The following HS6ST3 variants were observed in gnomAD, a reference collection of about 807,000 sequenced individuals.
HS6ST3 encodes heparan-sulfate 6-O-sulfotransferase 3.
HS6ST3 carries 12 observed loss-of-function variants against 36.7 expected under a neutral mutation model. The ratio of observed to expected loss-of-function variants is 0.33; its 90% confidence interval spans 0.21 to 0.53. The LOEUF (loss-of-function observed/expected upper bound fraction) is 0.53, where lower values mean the gene tolerates loss of function less well. HS6ST3 is among the 20% of genes least tolerant of loss of function. The pLI, the probability that HS6ST3 is intolerant of heterozygous loss-of-function variation, is 0.95. For missense variants in HS6ST3, 584 were observed against 640.9 expected, an observed-to-expected ratio of 0.91 and a Z score of 0.96; for synonymous variants, 240 against 257.5, an observed-to-expected ratio of 0.93 and a Z score of 0.65.
intron 1 of HS6ST3, among the ~76,000 whole-genome samples, chr13:96,726,859 C>T (rs1420787021): frequency 6.6e-6 from 1 of 151,876 alleles, no homozygotes; most frequent in Non-Finnish European, 1.5e-5. Context: ...TCTCTTTTCC[C>T]TCTGTATGTT....
At chr13:96,271,262 G>A (rs889969657) in intron 1 of HS6ST3, among the ~76,000 whole-genome samples, 5 of 151,874 alleles carry the variant, frequency 3.3e-5, no homozygotes, top group African/African-American at 1.2e-4. Context: ...ATGCAAATAT[G>A]TGTGTGAAGA....
At chr13:96,372,978 A>T (rs2055297123) in intron 1 of HS6ST3, among the ~76,000 whole-genome samples, 1 of 152,152 alleles carries the variant, frequency 6.6e-6, no homozygotes, top group Non-Finnish European at 1.5e-5. Context: ...AGGGCTTGGC[A>T]GGACCATGCT....
At chr13:96,631,637 CAT>C (rs1188951028) in intron 1 of HS6ST3, among the ~76,000 whole-genome samples, 4 of 152,210 alleles carry the variant, frequency 2.6e-5, no homozygotes, top group Non-Finnish European at 4.4e-5. Context: ...ATATCCCAGA[CAT>C]GTTGCAAAAT....
intron 1 of HS6ST3, among the ~76,000 whole-genome samples, chr13:96,599,491 T>G (rs1594815546): frequency 6.6e-6 from 1 of 152,068 alleles, no homozygotes; most frequent in East Asian, 1.9e-4. Context: ...TGTCTTCATT[T>G]TAATTTCTAA....
At chr13:96,366,945 A>T (rs1017370313) in intron 1 of HS6ST3, among the ~76,000 whole-genome samples, 1 of 152,168 alleles carries the variant, frequency 6.6e-6, no homozygotes, top group Non-Finnish European at 1.5e-5. Flanking sequence ...CCCACCATGT[A>T]AGATGTGCCT....
intron 1 of HS6ST3, among the ~76,000 whole-genome samples, chr13:96,534,652 G>T (rs2018153): frequency 9.2e-5 from 14 of 152,216 alleles, no homozygotes; most frequent in Non-Finnish European, 1.8e-4. Flanking sequence ...AAAAGCCACA[G>T]GTGCAGGAAC....
intron 1 of HS6ST3, among the ~76,000 whole-genome samples, chr13:96,498,150 A>G (rs2055986331): frequency 6.6e-6 from 1 of 152,182 alleles, no homozygotes; most frequent in African/African-American, 2.4e-5. Flanking sequence ...AGAACAGACA[A>G]TGGTTTGTGA....
chr13:96,456,153 T>C (rs1263647630), intron 1 of HS6ST3, among the ~76,000 whole-genome samples: 2 of 152,220 alleles, frequency 1.3e-5, no homozygotes, highest in Non-Finnish European at 2.9e-5. Context: ...TTTATTTAGG[T>C]GTAGTAGAAT....
At chr13:96,598,113 C>G (rs2056408498) in intron 1 of HS6ST3, among the ~76,000 whole-genome samples, 2 of 152,066 alleles carry the variant, frequency 1.3e-5, no homozygotes, top group Admixed American at 1.3e-4. Flanking sequence ...TGTGATGCCT[C>G]TAGATTTGCT....
chr13:96,771,626 C>T (rs1009291279), intron 1 of HS6ST3, among the ~76,000 whole-genome samples: 5 of 152,240 alleles, frequency 3.3e-5, no homozygotes, highest in South Asian at 4.1e-4. Flanking sequence ...AACAAATGTG[C>T]GTTATTTCCT....
intron 1 of HS6ST3, among the ~76,000 whole-genome samples, chr13:96,592,545 A>C (rs2056386355): frequency 6.6e-6 from 1 of 152,160 alleles, no homozygotes; most frequent in Non-Finnish European, 1.5e-5. Flanking sequence ...TTGGCTCATT[A>C]ACATCCTTTA....
At chr13:96,767,483 G>A (rs530016302) in intron 1 of HS6ST3, among the ~76,000 whole-genome samples, 3 of 152,344 alleles carry the variant, frequency 2.0e-5, no homozygotes, top group South Asian at 2.1e-4. Flanking sequence ...GTGTTGTGTA[G>A]GGTAGTGAGA....
chr13:96,655,568 A>G (rs367604192), intron 1 of HS6ST3, among the ~76,000 whole-genome samples: 1 of 152,082 alleles, frequency 6.6e-6, no homozygotes, highest in Admixed American at 6.6e-5. Context: ...TATTTATAAG[A>G]TTTTTTTGAA....
At chr13:96,233,050 A>C (rs2054516026) in intron 1 of HS6ST3, among the ~76,000 whole-genome samples, 1 of 152,370 alleles carries the variant, frequency 6.6e-6, no homozygotes, top group Admixed American at 6.5e-5. Flanking sequence ...ATGACAGTGC[A>C]GAAGAATCTA....
chr13:96,717,311 G>C (rs1875724859), intron 1 of HS6ST3, among the ~76,000 whole-genome samples: 1 of 152,168 alleles, frequency 6.6e-6, no homozygotes. Context: ...TAGGCAGATG[G>C]GTGGCCCATT....
intron 1 of HS6ST3, among the ~76,000 whole-genome samples, chr13:96,365,377 C>A (rs543823041): frequency 1.3e-5 from 2 of 152,192 alleles, no homozygotes; most frequent in East Asian, 3.9e-4. Context: ...TGTTATTTTC[C>A]AATTTTCTAT....
At chr13:96,241,309 T>C (rs1369592276) in intron 1 of HS6ST3, among the ~76,000 whole-genome samples, 1 of 152,158 alleles carries the variant, frequency 6.6e-6, no homozygotes, top group East Asian at 1.9e-4. Context: ...TTCTATCACC[T>C]GTTTGTGTAA....
intron 1 of HS6ST3, among the ~76,000 whole-genome samples, chr13:96,417,138 G>T (rs2055537700): frequency 6.6e-6 from 1 of 152,154 alleles, no homozygotes; most frequent in African/African-American, 2.4e-5. Flanking sequence ...AAGTGGACAT[G>T]CTTCAGAATT....
At chr13:96,574,331 C>T (rs561815301) in intron 1 of HS6ST3, 18 of 390,890 alleles carry the variant, frequency 4.6e-5, no homozygotes, top group Admixed American at 4.3e-4. Flanking sequence ...TGAGTCCTTG[C>T]TCAGGAAAGG....
Sources: gnomAD v4.1 joint callset for allele counts (sites outside exome capture counted in the v4.1 genomes callset) on GRCh38, gnomAD v4.1.1 for gene constraint, MANE v1.5 for transcripts, NCBI Gene and HGNC (gene_info 2026-07-23, HGNC 2026-07-21) for gene names.